Variants in AMBRA1 observed in about 807,000 individuals in gnomAD.
The protein encoded by AMBRA1 is autophagy and beclin 1 regulator 1, also known as activating molecule in BECN1-regulated autophagy protein 1.
In AMBRA1, 47 loss-of-function variants were observed where a neutral mutation model predicts 125.4. The observed-to-expected ratio is 0.37, with a 90% CI of 0.30 to 0.48. The LOEUF is 0.48. Ranked by LOEUF, AMBRA1 falls within the 20% of genes least tolerant of loss-of-function variation. The pLI, the probability that AMBRA1 is intolerant of heterozygous loss-of-function variation, is 0.99. For missense variants in AMBRA1, 1,331 were observed against 1,693.4 expected (o/e 0.79, Z 3.76); for synonymous variants, 626 against 655.5 (o/e 0.95, Z 0.69).
At chr11:46,498,186 T>C (rs1334174145) in intron 9 of AMBRA1, among the ~76,000 whole-genome samples, 1 of 152,116 alleles carries the variant, frequency 6.6e-6, no homozygotes, top group East Asian at 1.9e-4. Context: ...TTAGGAACAG[T>C]GAAGGGTGCT....
At position 46,507,493 on chromosome 11, in the gene AMBRA1, A is replaced by G. The variant is rs894262000; in HGVS notation, c.2339+698T>C. ...GACTCCGTCTCAAAAAAAAAAAAAA[A>G]AAAGATTGGCTAGCTTAAATTCTAG... is the stretch of plus-strand genomic sequence containing the variant. On this transcript the variant is annotated intron_variant, in intron 9 of 17. Transcript: ENST00000683756. 5.3e-5 allele frequency among the ~76,000 whole-genome samples: 8 copies of G among 152,076 alleles called. No individual in the cohort carries two copies. In the South Asian group the frequency reaches 1.7e-3, roughly 32 times the overall value.
At chr11:46,525,809 G>A (rs547454776) in intron 7 of AMBRA1, among the ~76,000 whole-genome samples, 53 of 152,242 alleles carry the variant, frequency 3.5e-4, no homozygotes, top group Non-Finnish European at 6.2e-4. Flanking sequence ...CTACTTGTGA[G>A]GCTGAGGCAG....
chr11:46,457,901 G>C (rs1359572240), intron 11 of AMBRA1, among the ~76,000 whole-genome samples: 1 of 130,840 alleles, frequency 7.6e-6, no homozygotes, highest in Non-Finnish European at 1.6e-5. Flanking sequence ...GCAAGACTCC[G>C]TTGCAAAAAA....
chr11:46,548,025 A>G lies in AMBRA1; in HGVS notation c.136-150T>C. The G allele has an allele frequency of 4.2e-6, 5 of 1,200,206 alleles. No individual in the cohort carries two copies. The South Asian group carries it at 7.0e-5, about 17-fold the overall frequency. The allele number at this position is 1,200,206 out of a possible 1,614,324, so 74.3% of individuals were successfully genotyped here. A position where few individuals can be genotyped will look rare whatever the true frequency, so the allele number is the denominator to read the frequency against. On this transcript the variant is annotated intron_variant, in intron 2 of 17. Coordinates refer to ENST00000683756, the MANE Select transcript of AMBRA1 (RefSeq NM_001387011.1). ...ATGATCAAGCTACAAATTGAGAGAG[A>G]TAAACCTAAATTACCTTCAGGAAAA...
At chr11:46,490,965 T>C (rs1419156163) in intron 11 of AMBRA1, 1 of 152,188 alleles carries the variant, frequency 6.6e-6, no homozygotes, top group Non-Finnish European at 1.5e-5. Flanking sequence ...CAATTGCTCT[T>C]TCACTCTGAA....
At chr11:46,427,460 T>C (rs1947198304) in intron 14 of AMBRA1, among the ~76,000 whole-genome samples, 1 of 152,186 alleles carries the variant, frequency 6.6e-6, no homozygotes, top group Non-Finnish European at 1.5e-5. Context: ...TCAAGATACA[T>C]TGACAGGCAA....
intron 9 of AMBRA1, among the ~76,000 whole-genome samples, chr11:46,505,111 C>T (rs1219075909): frequency 6.6e-6 from 1 of 152,162 alleles, no homozygotes; most frequent in Non-Finnish European, 1.5e-5. Flanking sequence ...TTAATGGTAA[C>T]CTAATTGTTA....
At chr11:46,405,578 T>G (rs984330842) in intron 17 of AMBRA1, among the ~76,000 whole-genome samples, 16 of 151,510 alleles carry the variant, frequency 1.1e-4, no homozygotes, top group Non-Finnish European at 1.6e-4. Context: ...ATTAAAAAAA[T>G]AGCCAGGCAT....
At chr11:46,573,170 T>C (rs150603729) in intron 1 of AMBRA1, among the ~76,000 whole-genome samples, 4 of 150,660 alleles carry the variant, frequency 2.7e-5, no homozygotes, top group Non-Finnish European at 5.9e-5. Flanking sequence ...TTTGGGAGAC[T>C]GAGGTGGGCT....
intron 7 of AMBRA1, among the ~76,000 whole-genome samples, chr11:46,524,850 G>A (rs1309694403): frequency 2.0e-5 from 3 of 152,180 alleles, no homozygotes; most frequent in African/African-American, 4.8e-5. Flanking sequence ...TATAAACAGG[G>A]GTACCTGAGC....
intron 1 of AMBRA1, among the ~76,000 whole-genome samples, chr11:46,590,071 T>C (rs1475672298): frequency 6.6e-6 from 1 of 151,932 alleles, no homozygotes; most frequent in Non-Finnish European, 1.5e-5. Context: ...TTGTGAAAAT[T>C]ATACAGTATA....
At chr11:46,410,474 TTCTC>T (rs1946233148) in intron 15 of AMBRA1, 106 bp from the exon 16 acceptor site, 6 of 953,304 alleles carry the variant, frequency 6.3e-6, no homozygotes, top group East Asian at 2.5e-5. Flanking sequence ...TGCCCATCCT[TTCTC>T]TCTCCTGGGG....
chr11:46,575,571 C>A lies in AMBRA1; in HGVS notation c.-121+18257G>T, dbSNP rs1287564360. 8.0e-5 allele frequency among the ~76,000 whole-genome samples: 10 copies of A among 125,318 alleles called. No individual in the cohort carries two copies. The East Asian group carries it at 2.5e-3, about 31-fold the overall frequency. 82.2% of individuals were successfully genotyped at this position (125,318 alleles called of 152,430 possible). On this transcript the variant is annotated intron_variant, in intron 1 of 17. Coordinates refer to ENST00000683756, the MANE Select transcript of AMBRA1 (RefSeq NM_001387011.1). ...TCACTCCGTCACCCAGGCTGGAGTA[C>A]AATGGTATGATCTCGGCTCACTGCA...
At chr11:46,591,115 T>C (rs995957637) in intron 1 of AMBRA1, 1 of 152,206 alleles carries the variant, frequency 6.6e-6, no homozygotes, top group Non-Finnish European at 1.5e-5. Context: ...GATTGCTTCA[T>C]GACACTCACA....
chr11:46,540,079 G>A (rs1051242433), intron 7 of AMBRA1, among the ~76,000 whole-genome samples: 2 of 152,136 alleles, frequency 1.3e-5, no homozygotes, highest in African/African-American at 4.8e-5. Context: ...TGGTCTGCCC[G>A]ACTCAGCCTC....
intron 11 of AMBRA1, among the ~76,000 whole-genome samples, chr11:46,485,162 T>A (rs1325333468): frequency 2.0e-5 from 3 of 152,216 alleles, no homozygotes; most frequent in Non-Finnish European, 4.4e-5. Context: ...GGTCTCGAAC[T>A]CCTGACCTCA....
Position 46,467,273 on chromosome 11 carries a change from AT to A in AMBRA1, c.2522-23676del, listed in dbSNP as rs1949368371. Among the ~76,000 whole-genome samples the A allele has an allele frequency of 3.9e-5, 6 of 152,188 alleles. No homozygotes were observed. The South Asian group carries it at 1.2e-3, about 32-fold the overall frequency. The stretch of plus-strand genomic sequence containing the variant: ...TACTGATTTCCTATGATGGGAGATG[AT>A]TTGTTCCTACCTTCTTTTCTCCCCC... On this transcript the variant is annotated intron_variant, in intron 11 of 17. Transcript: ENST00000683756.
At chr11:46,426,078 A>T (rs1947119091) in intron 14 of AMBRA1, among the ~76,000 whole-genome samples, 1 of 152,040 alleles carries the variant, frequency 6.6e-6, no homozygotes, top group Non-Finnish European at 1.5e-5. Context: ...AATAAAAAAA[A>T]AAAAAAAAGA....
intron 11 of AMBRA1, among the ~76,000 whole-genome samples, chr11:46,453,627 T>A (rs182535725): frequency 1.6e-4 from 25 of 152,282 alleles, no homozygotes; most frequent in African/African-American, 5.5e-4. Flanking sequence ...TAATTCTGAG[T>A]GTATTATCTA....
Sources: gnomAD v4.1 joint callset for allele counts (sites outside exome capture counted in the v4.1 genomes callset) on GRCh38, gnomAD v4.1.1 for gene constraint, MANE v1.5 for transcripts, NCBI Gene and HGNC (gene_info 2026-07-23, HGNC 2026-07-21) for gene names.